The following UGT2B4 variants were observed in gnomAD, a reference collection of about 807,000 sequenced individuals.
UGT2B4 encodes UDP-glucuronosyltransferase 2B4.
In UGT2B4, 49 loss-of-function variants were observed where a neutral mutation model predicts 49.8. The ratio of observed to expected loss-of-function variants is 0.98; its 90% CI spans 0.78 to 1.25. UGT2B4 has a LOEUF of 1.25. UGT2B4 is among the 50% of genes most tolerant of loss of function. UGT2B4 has a pLI of 0.00. For missense variants in UGT2B4, 729 were observed against 627.7 expected (o/e 1.16, Z -1.73); for synonymous variants, 246 against 217.7 (o/e 1.13, Z -1.14).
intron 1 of UGT2B4, among the ~76,000 whole-genome samples, chr4:69,519,448 G>C (rs1334967431): frequency 6.6e-6 from 1 of 152,132 alleles, no homozygotes; most frequent in Non-Finnish European, 1.5e-5. Flanking sequence ...CAAAAAGGCA[G>C]CGTTTTAAGA....
intron 1 of UGT2B4, among the ~76,000 whole-genome samples, chr4:69,509,331 CCTGT>C (rs1229431185): frequency 6.6e-6 from 1 of 151,938 alleles, no homozygotes; most frequent in Non-Finnish European, 1.5e-5. Flanking sequence ...GCCCCTACCG[CCTGT>C]CTAATTTTTG....
chr4:69,489,313 T>C (rs1727907822), intron 3 of UGT2B4, 126 bp downstream of exon 3: 1 of 1,287,018 alleles, frequency 7.8e-7, no homozygotes, highest in Non-Finnish European at 1.1e-6. Context: ...TGAATTAATA[T>C]CTGAGATAAT....
chr4:69,485,591 A>G (rs1727757445), intron 4 of UGT2B4, among the ~76,000 whole-genome samples, 164 bp from the exon 5 acceptor site: 1 of 152,150 alleles, frequency 6.6e-6, no homozygotes, highest in African/African-American at 2.4e-5. Flanking sequence ...CTGGAGATGT[A>G]AGTGAAGGCT....
Position 69,480,441 on chromosome 4 carries a change from T to A in UGT2B4, c.*193A>T. 1 of 754,034 alleles carries A rather than the reference T, an allele frequency of 1.3e-6. No individual in the cohort carries two copies. The highest frequency in any genetic ancestry group is 2.0e-6 in the Non-Finnish European group (1 of 491,192). The allele number at this position is 754,034 out of a possible 1,614,324, so 46.7% of individuals were successfully genotyped here. A position where few individuals can be genotyped will look rare whatever the true frequency, so the allele number is the denominator to read the frequency against. The stretch of plus-strand genomic sequence containing the variant: ...TTTATATCATTTTTGTTTTCCCTAA[T>A]GTTTTCCTCCTTGACATGAAATATT... On this transcript the variant is annotated 3_prime_UTR_variant, in exon 6 of 6. Coordinates refer to ENST00000305107, the MANE Select transcript of UGT2B4 (RefSeq NM_021139.3).
At chr4:69,509,170 A>ATTT (rs3075675) in intron 1 of UGT2B4, among the ~76,000 whole-genome samples, 53,408 of 119,072 alleles carry the variant, frequency 0.45, 13,927 homozygotes, top group East Asian at 0.55. Context: ...TGGAATTTCT[A>ATTT]TTTTTTTTTT....
chr4:69,493,798 T>C lies in UGT2B4; in HGVS notation c.765A>G (p.Ile255Met), dbSNP rs1728065357. 1.9e-6 allele frequency: 3 copies of C among 1,607,370 alleles called. No homozygotes were observed. Among genetic ancestry groups the C allele is most frequent in the Non-Finnish European group, 2.5e-6 (3 of 1,177,304 alleles). The change falls in exon 2 of 6, where the codon ATA (isoleucine) becomes ATG (methionine). Residue 255 changes from isoleucine (I) to methionine (M), a missense_variant. By Grantham distance (10) the Ile-to-Met change is conservative. Transcript: ENST00000305107. The part of the protein sequence containing the change: ...TLSETMAKAD[I>M]WLIRNYWDFQ... ...AATCCCAGTAGTTTCGAATAAGCCATATGTCAGCTTTTGCCATTGTCTCAG... is the reference window on the plus strand; with the variant it reads ...AATCCCAGTAGTTTCGAATAAGCCACATGTCAGCTTTTGCCATTGTCTCAG...
At chr4:69,489,337 A>G (rs1727908160) in intron 3 of UGT2B4, 102 bp downstream of exon 3, 3 of 1,480,524 alleles carry the variant, frequency 2.0e-6, no homozygotes, top group Non-Finnish European at 2.8e-6. Flanking sequence ...TGCTTTCCCA[A>G]CAGCTGAATA....
chr4:69,493,526 A>T (rs1332696840), intron 2 of UGT2B4, among the ~76,000 whole-genome samples, 167 bp downstream of exon 2: 1 of 152,190 alleles, frequency 6.6e-6, no homozygotes, highest in Non-Finnish European at 1.5e-5. Context: ...TAATGATGAA[A>T]TTCATAAACT....
At chr4:69,496,669 C>T (rs1728173153), upstream of UGT2B4, among the ~76,000 whole-genome samples, 1 of 152,124 alleles carries the variant, frequency 6.6e-6, no homozygotes, top group Non-Finnish European at 1.5e-5. Context: ...GCCTTTTACT[C>T]CCTACCCCTT....
intron 5 of UGT2B4, among the ~76,000 whole-genome samples, chr4:69,484,812 T>C (rs1727718480): frequency 6.6e-6 from 1 of 152,260 alleles, no homozygotes; most frequent in African/African-American, 2.4e-5. Flanking sequence ...GTTACAATAA[T>C]GATAATAAAA....
intron 1 of UGT2B4, among the ~76,000 whole-genome samples, chr4:69,501,434 G>T (rs1728316247): frequency 6.6e-6 from 1 of 152,098 alleles, no homozygotes; most frequent in Non-Finnish European, 1.5e-5. Context: ...CTGGGAGAGG[G>T]CTCGCAAGAG....
chr4:69,481,420 G>T (rs1274320524), intron 5 of UGT2B4, among the ~76,000 whole-genome samples: 1 of 152,176 alleles, frequency 6.6e-6, no homozygotes, highest in East Asian at 1.9e-4. Flanking sequence ...CTTTTAAATT[G>T]GAATTTCATA....
At chr4:69,512,518 T>C (rs1577901595) in intron 1 of UGT2B4, among the ~76,000 whole-genome samples, 2 of 152,166 alleles carry the variant, frequency 1.3e-5, no homozygotes, top group African/African-American at 4.8e-5. Context: ...GTTGATATGA[T>C]TTCAATCTTA....
At chr4:69,505,982 A>G (rs946977975) in intron 1 of UGT2B4, among the ~76,000 whole-genome samples, 2 of 152,176 alleles carry the variant, frequency 1.3e-5, no homozygotes, top group Admixed American at 6.6e-5. Flanking sequence ...ACTTTTGGGC[A>G]AATAATGAAA....
At position 69,509,971 on chromosome 4, in the gene UGT2B4, A is replaced by C. The variant is rs534147474; in HGVS notation, c.-105-14005T>G. On this transcript the variant is annotated intron_variant, in intron 1 of 1. Transcript: ENST00000510114. ...CTTTTGCTTTATATTTTCTTCTGGG[A>C]AGTCTATAGTTTCAAGTCCTATGTT... Among the ~76,000 whole-genome samples, 318 of 152,196 alleles carry C rather than the reference A, an allele frequency of 2.1e-3. 1 individual carries two copies. The highest frequency in any genetic ancestry group is 7.5e-3 in the African/African-American group (310 of 41,534).
intron 2 of UGT2B4, among the ~76,000 whole-genome samples, chr4:69,491,443 T>C (rs1727983194): frequency 6.6e-6 from 1 of 152,130 alleles, no homozygotes; most frequent in Non-Finnish European, 1.5e-5. Flanking sequence ...GAATATATTA[T>C]AAAACCAATG....
chr4:69,519,254 G>A (rs1375091292), intron 1 of UGT2B4, among the ~76,000 whole-genome samples: 1 of 152,058 alleles, frequency 6.6e-6, no homozygotes, highest in African/African-American at 2.4e-5. Flanking sequence ...CCATGAATTG[G>A]CATATAAAAG....
upstream of UGT2B4, among the ~76,000 whole-genome samples, chr4:69,496,175 C>A (rs1057409895): frequency 6.6e-6 from 1 of 152,008 alleles, no homozygotes; most frequent in African/African-American, 2.4e-5. Context: ...CAGGCACCTG[C>A]CACCGCACCC....
chr4:69,483,461 A>C (rs1727662512), intron 5 of UGT2B4, among the ~76,000 whole-genome samples: 1 of 152,092 alleles, frequency 6.6e-6, no homozygotes, highest in Non-Finnish European at 1.5e-5. Flanking sequence ...CTTACTCATT[A>C]TTTGGTCTTA....
Sources: allele counts gnomAD v4.1 joint callset (sites outside exome capture counted in the v4.1 genomes callset), GRCh38; gene constraint gnomAD v4.1.1; transcripts MANE v1.5; gene names NCBI Gene and HGNC (gene_info 2026-07-23, HGNC 2026-07-21).